LRSAM1: variants seen among roughly 807,000 people sequenced by gnomAD.
The protein encoded by LRSAM1 is leucine rich repeat and sterile alpha motif containing 1, also known as E3 ubiquitin-protein ligase LRSAM1.
LRSAM1 carries 96 observed loss-of-function variants against 118.1 expected under a neutral mutation model. The ratio of observed to expected loss-of-function variants is 0.81; its 90% CI spans 0.69 to 0.96. The LOEUF is 0.96. Ranked by LOEUF, LRSAM1 falls within the 40% of genes least tolerant of loss-of-function variation. The pLI is 0.00. For missense variants in LRSAM1, 804 were observed against 915.5 expected, an observed-to-expected ratio of 0.88 and a Z score of 1.57; for synonymous variants, 322 against 364.2, an observed-to-expected ratio of 0.88 and a Z score of 1.32.
In LRSAM1 at chr9:127,465,075, G is replaced by A. The variant is rs1834880885; in HGVS notation, c.529-2665G>A. On this transcript the variant is annotated intron_variant, in intron 9 of 25. Transcript: ENST00000300417. This position sits in a 1 kb window ranked among gnomAD's most constrained non-coding sequence, Gnocchi z 4.1. ...CGTACTGTGGGCAAGATCTTCAGGT[G>A]TCACGCACGCCACCCACCAAACAGC... Among the ~76,000 whole-genome samples the A allele has an allele frequency of 2.6e-5, 4 of 152,044 alleles. No individual in the cohort carries two copies. The South Asian group carries it at 8.3e-4, about 32-fold the overall frequency.
intron 7 of LRSAM1, among the ~76,000 whole-genome samples, chr9:127,460,200 A>G (rs1248421820): frequency 1.3e-5 from 2 of 151,948 alleles, no homozygotes; most frequent in African/African-American, 2.4e-5. Context: ...GGGTTTCACC[A>G]TGTTCACCAG....
chr9:127,474,299 G>T (rs1262278902), intron 11 of LRSAM1, among the ~76,000 whole-genome samples: 3 of 144,658 alleles, frequency 2.1e-5, no homozygotes, highest in Non-Finnish European at 3.0e-5. Context: ...ACAGGGTCTT[G>T]CTCCATCACC....
chr9:127,496,017 G>A lies in LRSAM1; in HGVS notation c.1752G>A (p.Glu584=), dbSNP rs748853481. 1 of 1,612,794 alleles carries A rather than the reference G, an allele frequency of 6.2e-7. No individual in the cohort carries two copies. The highest frequency in any genetic ancestry group is 1.1e-5 in the South Asian group (1 of 91,008). Reference sequence around the variant, plus strand: ...CCCTCCTGGAGGAGCTGTCGGCTGAGCACTACCTGCCCATCTTTGCGCACC... The same window carrying A: ...CCCTCCTGGAGGAGCTGTCGGCTGAACACTACCTGCCCATCTTTGCGCACC... ...LVALLEELSA[E]HYLPIFAHHR... The change falls in exon 23 of 26, where the codon GAG becomes GAA. Residue 584 remains glutamate, a synonymous_variant. Coordinates refer to ENST00000300417, the MANE Select transcript of LRSAM1 (RefSeq NM_001005373.4).
chr9:127,461,813 C>T (rs963805975), intron 8 of LRSAM1, among the ~76,000 whole-genome samples: 2 of 152,250 alleles, frequency 1.3e-5, no homozygotes, highest in Non-Finnish European at 2.9e-5. Context: ...CCAGCTCTCT[C>T]CCTTCTCCTG....
rs1835786420 is a variant in LRSAM1 at position 127,487,782 on chromosome 9, C to T, written c.1347+19C>T. On this transcript the variant is annotated intron_variant, in intron 18 of 25. Coordinates refer to ENST00000300417, the MANE Select transcript of LRSAM1 (RefSeq NM_001005373.4). ...GCAGGAGGTGAGCCCTCGCCCAGAG[C>T]CTGAGGGTGGGAGCTCAGGAGGGAG... 1 of 1,607,072 alleles carries T rather than the reference C, an allele frequency of 6.2e-7. No individual in the cohort carries two copies. The highest frequency in any genetic ancestry group is 1.3e-5 in the African/African-American group (1 of 74,778).
chr9:127,481,255 A>ATTTTT, intron 15 of LRSAM1, 28 bp downstream of exon 15: 1 of 1,490,398 alleles, frequency 6.7e-7, no homozygotes, highest in Non-Finnish European at 9.1e-7. Flanking sequence ...GGAGGGCAGC[A>ATTTTT]TTTTTTTTTT....
intron 11 of LRSAM1, among the ~76,000 whole-genome samples, chr9:127,476,162 G>A (rs962400743): frequency 3.3e-5 from 5 of 152,196 alleles, no homozygotes. Flanking sequence ...CTTATTTGTA[G>A]TATTGGATGC....
intron 8 of LRSAM1, 92 bp from the exon 9 acceptor site, chr9:127,462,160 C>T (rs185832786): frequency 1.3e-6 from 2 of 1,581,256 alleles, no homozygotes; most frequent in Non-Finnish European, 1.7e-6. Flanking sequence ...TGTTGTGTGC[C>T]CTAGAGGTCA....
chr9:127,473,965 T>C, intron 11 of LRSAM1, 34 bp downstream of exon 11: 2 of 1,613,558 alleles, frequency 1.2e-6, no homozygotes, highest in Non-Finnish European at 8.5e-7. Context: ...CGCATACATG[T>C]GTGTGTGTGC....
intron 20 of LRSAM1, among the ~76,000 whole-genome samples, chr9:127,491,685 C>T (rs976895501): frequency 6.6e-6 from 1 of 152,210 alleles, no homozygotes; most frequent in Non-Finnish European, 1.5e-5. Flanking sequence ...TTTGGGTGTC[C>T]CGGGTTGTCT....
chr9:127,497,235 T>G lies in LRSAM1; in HGVS notation c.1831-18T>G, dbSNP rs1004097175. On this transcript the variant is annotated intron_variant, in intron 23 of 25. Coordinates refer to ENST00000300417, the MANE Select transcript of LRSAM1 (RefSeq NM_001005373.4). ...CTCCCGCCCAGGCCACAGTCTGCAC[T>G]TCCTTGAACTGTCACAGGTGGGCGT... 5.6e-6 allele frequency: 9 copies of G among 1,612,474 alleles called. No homozygotes were observed. The highest frequency in any genetic ancestry group is 7.6e-6 in the Non-Finnish European group (9 of 1,179,660).
intron 15 of LRSAM1, among the ~76,000 whole-genome samples, chr9:127,482,514 C>T (rs1158184643): frequency 1.3e-5 from 2 of 152,212 alleles, no homozygotes; most frequent in African/African-American, 4.8e-5. Flanking sequence ...CAAAAACATT[C>T]TGCCAGTTTA....
chr9:127,499,755 C>G (rs1240288465), intron 24 of LRSAM1, among the ~76,000 whole-genome samples: 1 of 151,472 alleles, frequency 6.6e-6, no homozygotes, highest in Non-Finnish European at 1.5e-5. Context: ...ATGGTGAAAC[C>G]CTGTCTCTAC....
At position 127,485,851 on chromosome 9, in the gene LRSAM1, G is replaced by C. The variant is rs907040553; in HGVS notation, c.1259+16G>C. 3 of 1,613,110 alleles carry C rather than the reference G, an allele frequency of 1.9e-6. No individual in the cohort carries two copies. The highest frequency in any genetic ancestry group is 1.7e-6 in the Non-Finnish European group (2 of 1,179,300). On this transcript the variant is annotated intron_variant, in intron 17 of 25. Coordinates refer to ENST00000300417, the MANE Select transcript of LRSAM1 (RefSeq NM_001005373.4). ...CCTGTTCCAGGTAAGGTAAGGAAGA[G>C]GAGTCCCAGGTGAGGGAGCTGGGGG...
At chr9:127,485,908 G>A in intron 17 of LRSAM1, 73 bp downstream of exon 17, 1 of 1,480,804 alleles carries the variant, frequency 6.8e-7, no homozygotes, top group Non-Finnish European at 9.4e-7. Flanking sequence ...CGTGGGATGA[G>A]AGCTGGGCAC....
At position 127,455,599 on chromosome 9, in the gene LRSAM1, A is replaced by C. The variant is rs2131991694; in HGVS notation, c.153A>C (p.Thr51=). The C allele has an allele frequency of 1.2e-6, 2 of 1,613,906 alleles. No homozygotes were observed. Among genetic ancestry groups the C allele is most frequent in the Non-Finnish European group, 1.7e-6 (2 of 1,180,036 alleles). ...LSEIPFGAFA[T]CKVLQKKVLI... The stretch of plus-strand genomic sequence containing the variant: ...AGATTCCATTTGGAGCTTTTGCAAC[A>C]TGCAAAGTTCTGCAGAAGAAGGTAA... The change falls in exon 5 of 26, where the codon ACA becomes ACC. Residue 51 remains threonine (T), a synonymous_variant. Transcript: ENST00000300417.
intron 7 of LRSAM1, among the ~76,000 whole-genome samples, chr9:127,460,511 C>T (rs1028600483): frequency 2.6e-5 from 4 of 152,226 alleles, no homozygotes; most frequent in African/African-American, 9.6e-5. Context: ...TGCTGCCTCC[C>T]CAGATCCCCA....
At chr9:127,481,113 C>G in intron 14 of LRSAM1, 70 bp from the exon 15 acceptor site, 1 of 1,562,988 alleles carries the variant, frequency 6.4e-7, no homozygotes, top group Non-Finnish European at 8.8e-7. Context: ...CCCCTCTGCA[C>G]AGCTAACGCA....
intron 6 of LRSAM1, 64 bp downstream of exon 6, chr9:127,457,457 C>T (rs1834563155): frequency 6.6e-7 from 1 of 1,517,294 alleles, no homozygotes. Flanking sequence ...AGCTGAGCGC[C>T]TGCTCCTTTT....
Sources: allele counts gnomAD v4.1 joint callset (sites outside exome capture counted in the v4.1 genomes callset), GRCh38; gene constraint gnomAD v4.1.1; non-coding constraint Gnocchi (gnomAD v3.1); transcripts MANE v1.5; gene names NCBI Gene and HGNC (gene_info 2026-07-23, HGNC 2026-07-21).